The following PHF19 variants were observed in gnomAD, a reference collection of about 807,000 sequenced individuals.
PHF19 encodes the protein PHD finger protein 19.
PHF19 carries 21 observed loss-of-function variants against 79.8 expected under a neutral mutation model. The observed-to-expected ratio is 0.26, with a 90% confidence interval of 0.19 to 0.38. PHF19 has a LOEUF of 0.38. PHF19 is among the 10% of genes least tolerant of loss of function. The pLI is 1.00. For missense variants in PHF19, 445 were observed against 744.2 expected (o/e 0.60, Z 4.68); for synonymous variants, 273 against 296.3 (o/e 0.92, Z 0.81).
At position 120,862,031 on chromosome 9, in the gene PHF19, T is replaced by C. The variant is rs759444608; in HGVS notation, c.1131-26A>G. ...CTGTGGAGACAGAAGAGGGAGAAGG[T>C]GGCCCCGTCAGAGCCTGAGGGCCCT... On this transcript the variant is annotated intron_variant, in intron 11 of 14. Coordinates refer to ENST00000373896, the MANE Select transcript of PHF19 (RefSeq NM_015651.3). The surrounding 1 kb of genome is among the most constrained non-coding windows in gnomAD (Gnocchi z 4.6). 9 of 1,579,412 alleles carry C rather than the reference T, an allele frequency of 5.7e-6. No individual in the cohort carries two copies. The East Asian group carries it at 1.1e-4, about 20-fold the overall frequency.
intron 9 of PHF19, among the ~76,000 whole-genome samples, chr9:120,865,274 C>T (rs1564497455): frequency 1.3e-5 from 2 of 152,350 alleles, no homozygotes; most frequent in South Asian, 4.1e-4. Context: ...CAAAGCTCTG[C>T]TGACCACGGG....
At chr9:120,899,682 G>A (rs1210881698), upstream of PHF19, among the ~76,000 whole-genome samples, 2 of 152,198 alleles carry the variant, frequency 1.3e-5, no homozygotes, top group Non-Finnish European at 2.9e-5. Context: ...GTAGAGGAAA[G>A]TAGATGCTGT....
At position 120,866,138 on chromosome 9, in the gene PHF19, C is replaced by T. The variant is rs1186700393; in HGVS notation, c.711-42G>A. ...ACGGGGGCCTATGGTGGGAGGGGCT[C>T]TGACACCCCCACCCCAGTCCAGCCC... On this transcript the variant is annotated intron_variant, in intron 7 of 14. Transcript: ENST00000373896. This position sits in a 1 kb window ranked among gnomAD's most constrained non-coding sequence, Gnocchi z 5.2. 7.3e-7 allele frequency: 1 copy of T among 1,367,000 alleles called. No individual in the cohort carries two copies. The highest frequency in any genetic ancestry group is 2.3e-5 in the East Asian group (1 of 43,756). The allele number at this position is 1,367,000 out of a possible 1,614,324, so 84.7% of individuals were successfully genotyped here. A position where few individuals can be genotyped will look rare whatever the true frequency, so the allele number is the denominator to read the frequency against.
At chr9:120,858,811 T>TCTCACACACACACA (rs764897588) in intron 14 of PHF19, among the ~76,000 whole-genome samples, 16 of 122,892 alleles carry the variant, frequency 1.3e-4, no homozygotes, top group African/African-American at 4.3e-4. Flanking sequence ...CTGACAGACA[T>TCTCACACACACACA]CACACACACA....
At chr9:120,876,656 C>T (rs2046067798) in intron 1 of PHF19, among the ~76,000 whole-genome samples, 2 of 152,238 alleles carry the variant, frequency 1.3e-5, no homozygotes, top group East Asian at 1.9e-4. Flanking sequence ...CGGCCGTTGG[C>T]TTTTTAAAAA....
At chr9:120,864,400 T>A (rs1405151220) in intron 9 of PHF19, among the ~76,000 whole-genome samples, 1 of 151,808 alleles carries the variant, frequency 6.6e-6, no homozygotes, top group Non-Finnish European at 1.5e-5. Context: ...AATCTATATA[T>A]CTGCAGATAT....
In PHF19 at chr9:120,869,429, G is replaced by T; in HGVS notation, c.466-99C>A. The T allele has an allele frequency of 7.1e-7, 1 of 1,402,030 alleles. No individual in the cohort carries two copies. The highest frequency in any genetic ancestry group is 2.4e-5 in the East Asian group (1 of 41,420). 86.8% of individuals were successfully genotyped at this position (1,402,030 alleles called of 1,614,324 possible). A position where few individuals can be genotyped will look rare whatever the true frequency, so the allele number is the denominator to read the frequency against. ...TGAGGGAAGTGCTGCCAGGGCTTGG[G>T]GGACCCGCAGATATTCCAATATAGT... On this transcript the variant is annotated intron_variant, in intron 5 of 14. Coordinates refer to ENST00000373896, the MANE Select transcript of PHF19 (RefSeq NM_015651.3). The surrounding 1 kb of genome is among the most constrained non-coding windows in gnomAD (Gnocchi z 5.8).
At chr9:120,865,585 G>T in intron 9 of PHF19, 125 bp downstream of exon 9, 1 of 1,223,018 alleles carries the variant, frequency 8.2e-7, no homozygotes, top group Non-Finnish European at 1.2e-6. Context: ...AAGATCAGAG[G>T]CCTGGACTCA....
intron 1 of PHF19, among the ~76,000 whole-genome samples, chr9:120,886,414 G>A (rs1303075661): frequency 2.6e-5 from 4 of 152,232 alleles, no homozygotes; most frequent in African/African-American, 9.6e-5. Flanking sequence ...AGAGAAATGC[G>A]AAGGCAGCTA....
At chr9:120,863,622 C>T (rs1588096160) in intron 10 of PHF19, among the ~76,000 whole-genome samples, 2 of 152,278 alleles carry the variant, frequency 1.3e-5, no homozygotes, top group Admixed American at 1.3e-4. Flanking sequence ...GTTCAGGAGG[C>T]TGGGCATGCC....
chr9:120,894,471 C>T (rs980278850), intron 1 of PHF19, among the ~76,000 whole-genome samples: 1 of 152,210 alleles, frequency 6.6e-6, no homozygotes, highest in African/African-American at 2.4e-5. Flanking sequence ...TTCTGGCCAT[C>T]CCGGAGGTAC....
At position 120,891,788 on chromosome 9, in the gene PHF19, A is replaced by G. The variant is rs1043830486; in HGVS notation, c.42+3000T>C. Among the ~76,000 whole-genome samples the G allele has an allele frequency of 2.6e-5, 4 of 152,144 alleles. No individual in the cohort carries two copies. The highest frequency in any genetic ancestry group is 1.3e-4 in the Admixed American group (2 of 15,278). On this transcript the variant is annotated intron_variant, in intron 1 of 14. Transcript: ENST00000616568. This position sits in a 1 kb window ranked among gnomAD's most constrained non-coding sequence, Gnocchi z 4.3. ...GCTTGTTAGGAGAGACGGAAGCATC[A>G]CAGTCACCTGGTAGAAGGATGCCTG...
chr9:120,889,809 A>AG (rs1564518962), intron 1 of PHF19, among the ~76,000 whole-genome samples: 5 of 150,950 alleles, frequency 3.3e-5, no homozygotes, highest in Admixed American at 1.3e-4. Context: ...GAAAGAAAGA[A>AG]AGAGAAAGAA....
intron 1 of PHF19, among the ~76,000 whole-genome samples, chr9:120,882,938 T>C: frequency 6.6e-6 from 1 of 152,176 alleles, no homozygotes; most frequent in East Asian, 1.9e-4. Flanking sequence ...AAGTAATTAT[T>C]ATGCAGGTGA....
At chr9:120,861,834 G>A (rs1360481311) in intron 12 of PHF19, 84 bp downstream of exon 12, 1 of 922,840 alleles carries the variant, frequency 1.1e-6, no homozygotes, top group Non-Finnish European at 1.8e-6. Context: ...TCTGGGCCTG[G>A]GGGACTTAGT....
rs2045388406 is a variant in PHF19, at chr9:120,857,558, GCA to G, written c.*384_*385del. On this transcript the variant is annotated 3_prime_UTR_variant, in exon 15 of 15. Transcript: ENST00000373896. Reference sequence around the variant, plus strand: ...GGGGATCCAGTGGAGGGACAGCTGTGCACACACAGGATGTGCGAACACACCCA... The same window carrying G: ...GGGGATCCAGTGGAGGGACAGCTGTGCACACAGGATGTGCGAACACACCCA... 1 of 182,448 alleles carries G rather than the reference GCA, an allele frequency of 5.5e-6. No individual in the cohort carries two copies. Among genetic ancestry groups the G allele is most frequent in the African/African-American group, 2.3e-5 (1 of 42,710 alleles). 11.3% of individuals were successfully genotyped at this position (182,448 alleles called of 1,614,324 possible).
rs199794255 is a variant in PHF19, at chr9:120,889,953, C to T, written c.42+4835G>A. ...TGGACAACCTAAGGTCAGGTTCTGCCATGTATTAAGCAATGTGGATAATAA... is the reference window on the plus strand; with the variant it reads ...TGGACAACCTAAGGTCAGGTTCTGCTATGTATTAAGCAATGTGGATAATAA... On this transcript the variant is annotated intron_variant, in intron 1 of 14. Coordinates refer to the PHF19 transcript ENST00000616568. Among the ~76,000 whole-genome samples the T allele has an allele frequency of 3.9e-5, 6 of 152,290 alleles. No homozygotes were observed. In the East Asian group the frequency reaches 1.2e-3, roughly 29 times the overall value.
At chr9:120,867,877 C>T (rs903753213) in intron 6 of PHF19, among the ~76,000 whole-genome samples, 1 of 152,182 alleles carries the variant, frequency 6.6e-6, no homozygotes, top group Non-Finnish European at 1.5e-5. Context: ...GTTCCTTCCA[C>T]AATGCCACGT....
At position 120,858,142 on chromosome 9, in the gene PHF19, T is replaced by G. The variant is rs2045400745; in HGVS notation, c.1545A>C (p.Glu515Asp). Reference protein sequence around the residue: ...EGASVPERPDEGIDSHTFESI... With the variant: ...EGASVPERPDDGIDSHTFESI... ...TCTCAAATGTGTGGCTGTCAATGCC[T>G]TCGTCTGGCCGCTCGGGGACTGAAG... The change falls in exon 15 of 15, where the codon GAA (glutamate) becomes GAC (aspartate). Residue 515 changes from glutamate to aspartate, a missense_variant. Glu to Asp is a conservative substitution (Grantham distance 45). Around this residue, in one of 5 missense-constraint regions of PHF19, gnomAD observed 125 missense variants for 180.5 expected, o/e 0.69. Transcript: ENST00000373896. 6.2e-7 allele frequency: 1 copy of G among 1,613,596 alleles called. No individual in the cohort carries two copies. Among genetic ancestry groups the G allele is most frequent in the African/African-American group, 1.3e-5 (1 of 74,930 alleles).
Sources: gnomAD v4.1 joint callset for allele counts (sites outside exome capture counted in the v4.1 genomes callset) on GRCh38, gnomAD v4.1.1 for gene constraint, gnomAD v4.1.1 regional missense constraint, Gnocchi (gnomAD v3.1) non-coding constraint, MANE v1.5 for transcripts, NCBI Gene and HGNC (gene_info 2026-07-23, HGNC 2026-07-21) for gene names.